Variants in WWOX observed in about 807,000 individuals in gnomAD.
The protein encoded by WWOX is WW domain-containing oxidoreductase.
A neutral mutation model predicts 46.2 loss-of-function variants in WWOX; 69 were observed. That is an observed-to-expected ratio of 1.49 (90% confidence interval 1.23 to 1.82). The LOEUF (loss-of-function observed/expected upper bound fraction) is 1.82. WWOX is among the 40% of genes most tolerant of loss of function. The probability of loss-of-function intolerance (pLI) is 0.00; values close to 1 mark genes in which losing one functional copy is unlikely to be tolerated. For missense variants in WWOX, 919 were observed against 542.6 expected (o/e 1.69, Z -6.89); for synonymous variants, 359 against 202.6 (o/e 1.77, Z -6.56).
rs557127180 is a variant in WWOX, at chr16:78,699,526, G to A, written c.1056+266774G>A. Among the ~76,000 whole-genome samples, 6 of 152,284 alleles carry A rather than the reference G, an allele frequency of 3.9e-5. No homozygotes were observed. In the East Asian group the frequency reaches 9.6e-4, roughly 24 times the overall value. ...TGTACTCCCACATGGGTGACAGAGT[G>A]AGACCCTGTCTCAAGAAACCGAAAA... On this transcript the variant is annotated intron_variant, in intron 8 of 8. Transcript: ENST00000566780.
intron 8 of WWOX, among the ~76,000 whole-genome samples, chr16:78,854,614 T>A (rs1249915868): frequency 6.6e-6 from 1 of 152,228 alleles, no homozygotes; most frequent in Non-Finnish European, 1.5e-5. Context: ...AGCATGTTGC[T>A]TTGTCACCCA....
intron 6 of WWOX, among the ~76,000 whole-genome samples, chr16:78,407,762 C>G (rs1456924632): frequency 6.6e-6 from 1 of 152,118 alleles, no homozygotes; most frequent in Non-Finnish European, 1.5e-5. Context: ...GACCAAATGC[C>G]ATAAGAAAAA....
intron 5 of WWOX, chr16:78,237,622 C>T (rs1044866713): frequency 1.3e-5 from 2 of 152,188 alleles, no homozygotes; most frequent in African/African-American, 2.4e-5. Flanking sequence ...GGACAAAATA[C>T]AGCCGGTACC....
intron 8 of WWOX, among the ~76,000 whole-genome samples, chr16:78,943,930 C>A (rs1460289584): frequency 6.6e-6 from 1 of 152,192 alleles, no homozygotes; most frequent in African/African-American, 2.4e-5. Context: ...CTACCCAAGG[C>A]CTCCATTGCC....
intron 8 of WWOX, among the ~76,000 whole-genome samples, chr16:79,138,093 G>A (rs892425376): frequency 6.6e-6 from 1 of 152,154 alleles, no homozygotes; most frequent in African/African-American, 2.4e-5. Context: ...CCCAAGCCCT[G>A]TGATCCACAG....
chr16:79,036,154 T>C (rs2047861756), intron 8 of WWOX, among the ~76,000 whole-genome samples: 1 of 152,208 alleles, frequency 6.6e-6, no homozygotes, highest in Non-Finnish European at 1.5e-5. Flanking sequence ...GATTTAGGAA[T>C]TGGAGATTTC....
intron 8 of WWOX, among the ~76,000 whole-genome samples, chr16:78,791,841 C>G (rs1393886660): frequency 6.6e-6 from 1 of 152,126 alleles, no homozygotes; most frequent in Non-Finnish European, 1.5e-5. Context: ...GATCGCGCCA[C>G]TGCACTGCAG....
In WWOX at chr16:78,444,624, G is replaced by A. The variant is rs1015234384; in HGVS notation, c.1056+11872G>A. Among the ~76,000 whole-genome samples the A allele has an allele frequency of 4.0e-5, 6 of 150,328 alleles. No homozygotes were observed. In the East Asian group the frequency reaches 5.9e-4, roughly 15 times the overall value. ...GGCTCACTGCAAACCTCTGCCTCCCGGGTTCAAGCAATTCTCCTGCCTCAG... is the reference window on the plus strand; with the variant it reads ...GGCTCACTGCAAACCTCTGCCTCCCAGGTTCAAGCAATTCTCCTGCCTCAG... On this transcript the variant is annotated intron_variant, in intron 8 of 8. Transcript: ENST00000566780.
chr16:78,289,118 A>T (rs961871778), intron 5 of WWOX, among the ~76,000 whole-genome samples: 1 of 152,168 alleles, frequency 6.6e-6, no homozygotes, highest in Non-Finnish European at 1.5e-5. Flanking sequence ...TCTTGCTGGG[A>T]ACCTGGAGCG....
chr16:78,149,570 G>C (rs369821118), intron 4 of WWOX, among the ~76,000 whole-genome samples: 17 of 152,302 alleles, frequency 1.1e-4, no homozygotes, highest in African/African-American at 4.1e-4. Context: ...GCCTTGATGG[G>C]ATTACACCGA....
At chr16:78,452,200 T>C (rs1025296782) in intron 8 of WWOX, among the ~76,000 whole-genome samples, 1 of 152,222 alleles carries the variant, frequency 6.6e-6, no homozygotes, top group Non-Finnish European at 1.5e-5. Context: ...AGTTCGGACA[T>C]ATTTCTTGGA....
chr16:78,229,580 G>C (rs1389830608), intron 5 of WWOX, among the ~76,000 whole-genome samples: 2 of 150,534 alleles, frequency 1.3e-5, no homozygotes, highest in African/African-American at 2.4e-5. Flanking sequence ...GTATTTCTAG[G>C]ACTTAGAGTG....
chr16:79,174,640 C>T (rs1297233989), intron 8 of WWOX, among the ~76,000 whole-genome samples: 1 of 152,186 alleles, frequency 6.6e-6, no homozygotes, highest in African/African-American at 2.4e-5. Context: ...AAGAGTGAAA[C>T]TCCATCTCAA....
chr16:78,318,086 A>T (rs1439536774), intron 5 of WWOX, among the ~76,000 whole-genome samples: 4 of 152,130 alleles, frequency 2.6e-5, no homozygotes, highest in Non-Finnish European at 5.9e-5. Flanking sequence ...ATATCCTTTT[A>T]GAGAACACCA....
chr16:79,176,310 C>T (rs2050799469), intron 8 of WWOX, among the ~76,000 whole-genome samples: 1 of 152,216 alleles, frequency 6.6e-6, no homozygotes, highest in Admixed American at 6.5e-5. Context: ...ATTCTCCCTG[C>T]TGATATCTGC....
chr16:78,865,871 C>A (rs1347511037), intron 8 of WWOX, among the ~76,000 whole-genome samples: 1 of 152,156 alleles, frequency 6.6e-6, no homozygotes, highest in Non-Finnish European at 1.5e-5. Flanking sequence ...GAGTGAAACT[C>A]CGTCTCAAAA....
chr16:79,057,256 C>G (rs1487034539), intron 8 of WWOX, among the ~76,000 whole-genome samples: 4 of 152,160 alleles, frequency 2.6e-5, no homozygotes. Flanking sequence ...CTTCCAATGG[C>G]AAACTTATGT....
intron 6 of WWOX, among the ~76,000 whole-genome samples, chr16:78,407,434 C>A (rs2082573768): frequency 6.6e-6 from 1 of 152,206 alleles, no homozygotes; most frequent in Non-Finnish European, 1.5e-5. Context: ...CCACAATTAT[C>A]TTAACATTCA....
chr16:78,254,110 A>C (rs1424448946), intron 5 of WWOX, among the ~76,000 whole-genome samples: 3 of 151,518 alleles, frequency 2.0e-5, no homozygotes, highest in Non-Finnish European at 4.4e-5. Flanking sequence ...TTGTTCTGTC[A>C]CTCAGGCTAG....
Sources: gnomAD v4.1 joint callset for allele counts (sites outside exome capture counted in the v4.1 genomes callset) on GRCh38, gnomAD v4.1.1 for gene constraint, MANE v1.5 for transcripts, NCBI Gene and HGNC (gene_info 2026-07-23, HGNC 2026-07-21) for gene names.